The following CNTN5 variants were observed in gnomAD, a reference collection of about 807,000 sequenced individuals.
The protein encoded by CNTN5 is contactin 5.
A neutral mutation model predicts 129.1 loss-of-function variants in CNTN5; 77 were observed. The observed-to-expected ratio is 0.60, with a 90% CI of 0.50 to 0.72. CNTN5 has a LOEUF of 0.72. CNTN5 is among the 30% of genes least tolerant of loss of function. CNTN5 has a pLI of 0.00. For missense variants in CNTN5, 1,478 were observed against 1,328.8 expected, an observed-to-expected ratio of 1.11 and a Z score of -1.75; for synonymous variants, 509 against 465.6, an observed-to-expected ratio of 1.09 and a Z score of -1.20.
At chr11:100,093,484 C>T (rs976736370) in intron 13 of CNTN5, among the ~76,000 whole-genome samples, 3 of 151,822 alleles carry the variant, frequency 2.0e-5, no homozygotes, top group Non-Finnish European at 1.5e-5. Context: ...TCAAATAGGT[C>T]TCAAGCTCCT....
At chr11:99,408,251 C>G (rs1207333704) in intron 2 of CNTN5, among the ~76,000 whole-genome samples, 1 of 150,572 alleles carries the variant, frequency 6.6e-6, no homozygotes, top group Non-Finnish European at 1.5e-5. Context: ...CTGTGTATTA[C>G]TCTGTTGCCC....
chr11:99,315,102 A>G (rs1220771025), intron 1 of CNTN5, among the ~76,000 whole-genome samples: 1 of 149,308 alleles, frequency 6.7e-6, no homozygotes, highest in African/African-American at 2.4e-5. Context: ...ATTGATATTT[A>G]TTCTAGGCAG....
At chr11:100,340,671 T>C in intron 22 of CNTN5, 22 bp downstream of exon 22, 1 of 1,571,372 alleles carries the variant, frequency 6.4e-7, no homozygotes, top group Non-Finnish European at 8.6e-7. Flanking sequence ...GGGCTTTTTG[T>C]TTGTTTCAGA....
chr11:100,340,862 G>A (rs975235552), intron 22 of CNTN5, among the ~76,000 whole-genome samples: 2 of 152,134 alleles, frequency 1.3e-5, no homozygotes, highest in African/African-American at 4.8e-5. Context: ...AAGGCTAAGC[G>A]ATTTTGACAC....
At chr11:99,877,631 T>C (rs1948668123) in intron 6 of CNTN5, among the ~76,000 whole-genome samples, 2 of 152,072 alleles carry the variant, frequency 1.3e-5, no homozygotes, top group Admixed American at 6.5e-5. Context: ...ATAAGGAAAG[T>C]GCTGTTTTAA....
chr11:99,184,603 A>G (rs1341319878), intron 1 of CNTN5, among the ~76,000 whole-genome samples: 4 of 152,096 alleles, frequency 2.6e-5, no homozygotes, highest in Admixed American at 1.3e-4. Context: ...GTCAATAGCC[A>G]TTATGGAATC....
At chr11:99,244,498 T>A (rs1338059019) in intron 1 of CNTN5, among the ~76,000 whole-genome samples, 2 of 152,128 alleles carry the variant, frequency 1.3e-5, no homozygotes, top group African/African-American at 4.8e-5. Flanking sequence ...AACAATGACC[T>A]TTTTTTACAG....
Position 100,081,072 on chromosome 11 carries a change from C to G in CNTN5, c.1580+6778C>G, listed in dbSNP as rs147019350. 2.6e-5 allele frequency among the ~76,000 whole-genome samples: 4 copies of G among 152,040 alleles called. No individual in the cohort carries two copies. In the East Asian group the frequency reaches 7.7e-4, roughly 29 times the overall value. ...ATGATGAGATTAAGATACTGACTTCCTGATTTCAGTGAAAGCTAACTGCAC... is the reference window on the plus strand; with the variant it reads ...ATGATGAGATTAAGATACTGACTTCGTGATTTCAGTGAAAGCTAACTGCAC... On this transcript the variant is annotated intron_variant, in intron 13 of 24. Transcript: ENST00000524871.
chr11:99,914,481 A>G (rs2136005530), intron 6 of CNTN5, among the ~76,000 whole-genome samples: 1 of 152,256 alleles, frequency 6.6e-6, no homozygotes, highest in East Asian at 1.9e-4. Flanking sequence ...TATGAAATTC[A>G]AAAAGAGACA....
intron 2 of CNTN5, among the ~76,000 whole-genome samples, chr11:99,352,996 G>A (rs946023698): frequency 5.9e-5 from 9 of 152,154 alleles, no homozygotes; most frequent in Non-Finnish European, 1.3e-4. Context: ...TGAGAGCCGG[G>A]CGGTGAATCT....
intron 3 of CNTN5, among the ~76,000 whole-genome samples, chr11:99,630,245 T>C (rs1406445884): frequency 3.2e-4 from 2 of 6,266 alleles, no homozygotes; most frequent in East Asian, 0.045. Context: ...TGTGTGTATA[T>C]ACATATATAT....
At chr11:100,266,180 G>A (rs1425580505) in intron 17 of CNTN5, among the ~76,000 whole-genome samples, 1 of 151,960 alleles carries the variant, frequency 6.6e-6, no homozygotes, top group Non-Finnish European at 1.5e-5. Context: ...ATCACTTAGG[G>A]CCAGGAGATT....
intron 1 of CNTN5, among the ~76,000 whole-genome samples, chr11:99,230,801 A>C (rs1860955097): frequency 6.6e-6 from 1 of 151,822 alleles, no homozygotes. Flanking sequence ...ATTATTTCTG[A>C]TCCTCTCTCT....
chr11:99,976,850 C>G (rs116865268), intron 8 of CNTN5, among the ~76,000 whole-genome samples: 1 of 152,216 alleles, frequency 6.6e-6, no homozygotes, highest in South Asian at 2.1e-4. Flanking sequence ...CCTACTTAAG[C>G]AAATTTCTGC....
At chr11:99,437,732 A>T (rs954620032) in intron 2 of CNTN5, among the ~76,000 whole-genome samples, 1 of 152,222 alleles carries the variant, frequency 6.6e-6, no homozygotes, top group African/African-American at 2.4e-5. Flanking sequence ...CTGAGACAGG[A>T]GAATCGCCTG....
chr11:99,877,982 G>C (rs1047974156), intron 6 of CNTN5, among the ~76,000 whole-genome samples: 3 of 152,130 alleles, frequency 2.0e-5, no homozygotes, highest in South Asian at 2.1e-4. Context: ...ATATTAAGCA[G>C]TCTACTTCAA....
chr11:100,071,409 C>G (rs572171021), intron 11 of CNTN5, among the ~76,000 whole-genome samples: 1 of 152,258 alleles, frequency 6.6e-6, no homozygotes, highest in African/African-American at 2.4e-5. Context: ...TTATATTTCA[C>G]AAGCTCAACT....
intron 3 of CNTN5, among the ~76,000 whole-genome samples, chr11:99,709,266 C>T (rs1239732710): frequency 6.7e-6 from 1 of 149,892 alleles, no homozygotes; most frequent in Non-Finnish European, 1.5e-5. Context: ...TCAGATCACA[C>T]ACTTTTTTTT....
intron 1 of CNTN5, among the ~76,000 whole-genome samples, chr11:99,237,735 T>A (rs1861352935): frequency 6.6e-6 from 1 of 152,112 alleles, no homozygotes; most frequent in African/African-American, 2.4e-5. Flanking sequence ...GATACTTCAA[T>A]CAAAAATTTA....
Sources: gnomAD v4.1 joint callset for allele counts (sites outside exome capture counted in the v4.1 genomes callset) on GRCh38, gnomAD v4.1.1 for gene constraint, MANE v1.5 for transcripts, NCBI Gene and HGNC (gene_info 2026-07-23, HGNC 2026-07-21) for gene names.